The following FAM107A variants were observed in gnomAD, a reference collection of about 807,000 sequenced individuals.
FAM107A encodes the protein family with sequence similarity 107 member A.
In FAM107A, 19 loss-of-function variants were observed where a neutral mutation model predicts 13.7. The observed-to-expected ratio is 1.38, with a 90% CI of 0.97 to 2.03. The LOEUF (loss-of-function observed/expected upper bound fraction) is 2.03, where lower values mean the gene tolerates loss of function less well. Among genes scored for constraint, FAM107A ranks in the 30% most tolerant of loss-of-function variants. The pLI is 0.00. For synonymous variants in FAM107A, 82 were observed against 74.5 expected (o/e 1.10, Z -0.52); for missense variants, 203 against 184.4 (o/e 1.10, Z -0.58).
chr3:58,569,595 G>A lies in FAM107A; in HGVS notation c.170+96C>T. On this transcript the variant is annotated intron_variant, in intron 2 of 3. Transcript: ENST00000360997. The surrounding 1 kb of genome is among the most constrained non-coding windows in gnomAD (Gnocchi z 5.7). ...CTTCCTCAGTCTCCAGGAGCCCCAG[G>A]ATGAAAGCCAGCTCTGCTTTCCTCC... 1 of 1,078,190 alleles carries A rather than the reference G, an allele frequency of 9.3e-7. No individual in the cohort carries two copies. 66.8% of individuals were successfully genotyped at this position (1,078,190 alleles called of 1,614,324 possible).
chr3:58,587,044 C>T (rs1404569117), exon 1 of FAM107A: 3 of 1,370,304 alleles, frequency 2.2e-6, no homozygotes, highest in Non-Finnish European at 2.8e-6. Flanking sequence ...GGCCCCAAGT[C>T]CCAAACCCCG....
rs1418289462 is a variant in FAM107A, at chr3:58,593,737, T to G, written c.-69-4468A>C. Among the ~76,000 whole-genome samples the G allele has an allele frequency of 2.6e-5, 4 of 152,118 alleles. No individual in the cohort carries two copies. The East Asian group carries it at 7.7e-4, about 29-fold the overall frequency. ...AGCGAACAATTGCTGGCTTAGCATTTCCGTTTCTTCCTGCTCTTACACAGC... is the reference window on the plus strand; with the variant it reads ...AGCGAACAATTGCTGGCTTAGCATTGCCGTTTCTTCCTGCTCTTACACAGC... On this transcript the variant is annotated intron_variant, in intron 1 of 3. Coordinates refer to the FAM107A transcript ENST00000465970.
chr3:58,570,804 G>A (rs899986999), intron 1 of FAM107A, among the ~76,000 whole-genome samples: 3 of 152,260 alleles, frequency 2.0e-5, no homozygotes, highest in African/African-American at 4.8e-5. Flanking sequence ...ACAGTTGGCA[G>A]TGTCTGGTCT....
chr3:58,614,207 C>T (rs752017510), intron 1 of FAM107A, among the ~76,000 whole-genome samples: 1 of 152,214 alleles, frequency 6.6e-6, no homozygotes, highest in African/African-American at 2.4e-5. Flanking sequence ...TTCTGTGCCG[C>T]CAGGTCCTGG....
At chr3:58,594,987 G>A (rs62250284) in intron 1 of FAM107A, among the ~76,000 whole-genome samples, 7,964 of 151,972 alleles carry the variant, frequency 0.052, 239 homozygotes, top group Non-Finnish European at 0.059. Flanking sequence ...TGTGTCTTCC[G>A]TTTAGTTTCT....
At chr3:58,586,770 C>T in intron 1 of FAM107A, 5 of 1,309,282 alleles carry the variant, frequency 3.8e-6, no homozygotes, top group Non-Finnish European at 4.0e-6. Context: ...AGGCGCCCAG[C>T]GGCGGACTGG....
chr3:58,604,681 C>T lies in FAM107A; in HGVS notation c.-69-15412G>A, dbSNP rs1373753001. On this transcript the variant is annotated intron_variant, in intron 1 of 3. Transcript: ENST00000465970. The surrounding 1 kb of genome is among the most constrained non-coding windows in gnomAD (Gnocchi z 4.1). ...GGAATAAATTATTACTTTGCTCACA[C>T]GGAGATAAGCAGCTGGCATTTGTTG... Among the ~76,000 whole-genome samples, 15 of 152,142 alleles carry T rather than the reference C, an allele frequency of 9.9e-5. No individual in the cohort carries two copies. Among genetic ancestry groups the T allele is most frequent in the East Asian group, 1.9e-4 (1 of 5,192 alleles).
At chr3:58,601,877 AG>A (rs1473522868) in intron 1 of FAM107A, among the ~76,000 whole-genome samples, 4 of 152,212 alleles carry the variant, frequency 2.6e-5, no homozygotes, top group Non-Finnish European at 2.9e-5. Context: ...ATTTTCGTTA[AG>A]CAGATCTGGT....
At chr3:58,572,378 G>A (rs79722635) in intron 1 of FAM107A, among the ~76,000 whole-genome samples, 2,059 of 152,204 alleles carry the variant, frequency 0.014, 41 homozygotes, top group African/African-American at 0.046. Context: ...GGAGGGACCC[G>A]CTGTCAGCCA....
At chr3:58,570,209 T>A in intron 1 of FAM107A, 1 of 280,144 alleles carries the variant, frequency 3.6e-6, no homozygotes, top group African/African-American at 2.3e-5. Context: ...AGGAATTATG[T>A]TTGAGTTTCT....
chr3:58,581,182 G>A (rs2065537092), upstream of FAM107A, among the ~76,000 whole-genome samples: 1 of 152,210 alleles, frequency 6.6e-6, no homozygotes, highest in South Asian at 2.1e-4. Flanking sequence ...GGTGAGCTGG[G>A]GCATCAAAGG....
intron 1 of FAM107A, among the ~76,000 whole-genome samples, chr3:58,616,822 G>A (rs897596745): frequency 4.6e-5 from 7 of 152,070 alleles, no homozygotes; most frequent in Non-Finnish European, 1.0e-4. Flanking sequence ...CACCCAGGCT[G>A]GAGTGCAGTG....
chr3:58,568,887 C>T (rs1015672677), intron 2 of FAM107A, among the ~76,000 whole-genome samples: 6 of 152,170 alleles, frequency 3.9e-5, no homozygotes, highest in African/African-American at 1.4e-4. Context: ...CCCATCCCAC[C>T]CCTGCCACCT....
rs1347079539 is a variant in FAM107A at position 58,584,666 on chromosome 3, TC to T, written c.79+2191del. Among the ~76,000 whole-genome samples the T allele has an allele frequency of 2.6e-5, 4 of 152,128 alleles. No individual in the cohort carries two copies. In the South Asian group the frequency reaches 8.3e-4, roughly 31 times the overall value. ...AACATATGGCCGCTTCACGCTGACT[TC>T]CCAGAACAGAACGAAATCAAATGGA... On this transcript the variant is annotated intron_variant, in intron 1 of 3. Coordinates refer to the FAM107A transcript ENST00000447756.
Position 58,567,229 on chromosome 3 carries a change from T to G in FAM107A, c.306A>C (p.Arg102Ser), listed in dbSNP as rs544933763. 2 of 1,614,146 alleles carry G rather than the reference T, an allele frequency of 1.2e-6. No homozygotes were observed. Among genetic ancestry groups the G allele is most frequent in the Non-Finnish European group, 1.7e-6 (2 of 1,180,010 alleles). ...LQCPFEQELL[R>S]RQQRLNQLEK... ...CCACCTGGTTCAGCCTCTGCTGCCG[T>G]CTCAGCAGCTCCTGCTCAAAGGGGC... Residue 102 changes from arginine to serine, a missense_variant, in exon 3 of 4, where the codon AGA (arginine) becomes AGC (serine). Physicochemically the swap from Arg to Ser is moderately radical, Grantham distance 110. Coordinates refer to ENST00000360997, the MANE Select transcript of FAM107A (RefSeq NM_001076778.3).
At chr3:58,611,529 C>T (rs1325504405) in intron 1 of FAM107A, among the ~76,000 whole-genome samples, 1 of 152,220 alleles carries the variant, frequency 6.6e-6, no homozygotes, top group South Asian at 2.1e-4. Context: ...GGAAACTCAG[C>T]CCAGGGAGCC....
intron 2 of FAM107A, among the ~76,000 whole-genome samples, chr3:58,568,751 C>A (rs191889402): frequency 4.6e-5 from 7 of 152,338 alleles, no homozygotes; most frequent in Non-Finnish European, 5.9e-5. Flanking sequence ...ATACCAGAAT[C>A]GGCCAGCAGA....
upstream of FAM107A, among the ~76,000 whole-genome samples, chr3:58,591,760 C>G (rs549974452): frequency 3.2e-4 from 49 of 152,308 alleles, 2 homozygotes; most frequent in South Asian, 1.0e-2. This position sits in a 1 kb window ranked among gnomAD's most constrained non-coding sequence, Gnocchi z 4.3. Flanking sequence ...TCTTTCAGCC[C>G]TGCTTCCTTC....
chr3:58,564,280 A>G lies in FAM107A; in HGVS notation c.*2308T>C, dbSNP rs1322103127. The G allele has an allele frequency of 6.6e-6, 1 of 152,228 alleles. No homozygotes were observed. The highest frequency in any genetic ancestry group is 2.4e-5 in the African/African-American group (1 of 41,452). The allele number at this position is 152,228 out of a possible 1,614,324, so 9.4% of individuals were successfully genotyped here. The stretch of plus-strand genomic sequence containing the variant: ...TGTGGCTCCAGGCATCACACCCTCA[A>G]TCAAGGTAGGAAGAAGAGGCCCAGG... On this transcript the variant is annotated 3_prime_UTR_variant, in exon 4 of 4. Transcript: ENST00000360997. The surrounding 1 kb of genome is among the most constrained non-coding windows in gnomAD (Gnocchi z 5.6).
Sources: gnomAD v4.1 joint callset for allele counts (sites outside exome capture counted in the v4.1 genomes callset) on GRCh38, gnomAD v4.1.1 for gene constraint, Gnocchi (gnomAD v3.1) non-coding constraint, MANE v1.5 for transcripts, NCBI Gene and HGNC (gene_info 2026-07-23, HGNC 2026-07-21) for gene names.